The following EFCC1 variants were observed in gnomAD, a reference collection of about 807,000 sequenced individuals.
The protein encoded by EFCC1 is EF-hand and coiled-coil domain containing 1, also known as EF-hand and coiled-coil domain-containing protein 1.
In EFCC1, 50 loss-of-function variants were observed where a neutral mutation model predicts 52.1. The observed-to-expected ratio is 0.96, with a 90% CI of 0.76 to 1.21. The LOEUF (loss-of-function observed/expected upper bound fraction) is 1.21. Among genes scored for constraint, EFCC1 ranks in the 50% most tolerant of loss-of-function variants. The pLI, the probability that EFCC1 is intolerant of heterozygous loss-of-function variation, is 0.00. For synonymous variants in EFCC1, 399 were observed against 396.5 expected (o/e 1.01, Z -0.08); for missense variants, 837 against 867.3 (o/e 0.97, Z 0.44).
chr3:129,037,440 T>C (rs1946371448), intron 6 of EFCC1, among the ~76,000 whole-genome samples: 1 of 152,180 alleles, frequency 6.6e-6, no homozygotes, highest in Admixed American at 6.5e-5. Context: ...TGCAAAATTA[T>C]TAAATACAAT....
chr3:129,040,033 C>A lies in EFCC1; in HGVS notation c.*185C>A. The A allele has an allele frequency of 2.9e-6, 2 of 696,594 alleles. No individual in the cohort carries two copies. Among genetic ancestry groups the A allele is most frequent in the Non-Finnish European group, 2.2e-6 (1 of 460,410 alleles). 43.2% of individuals were successfully genotyped at this position (696,594 alleles called of 1,614,324 possible). A position where few individuals can be genotyped will look rare whatever the true frequency, so the allele number is the denominator to read the frequency against. ...TCCCATTGCAGCACCTGGCAGCCACCCCTTCCTCGGGCTCCTCCACATTAC... is the reference window on the plus strand; with the variant it reads ...TCCCATTGCAGCACCTGGCAGCCACACCTTCCTCGGGCTCCTCCACATTAC... On this transcript the variant is annotated 3_prime_UTR_variant, in exon 8 of 8. Coordinates refer to ENST00000683648, the MANE Select transcript of EFCC1 (RefSeq NM_001377500.1). The surrounding 1 kb of genome is among the most constrained non-coding windows in gnomAD (Gnocchi z 4.4).
chr3:129,015,293 G>C (rs1249480531), intron 2 of EFCC1, among the ~76,000 whole-genome samples: 1 of 152,042 alleles, frequency 6.6e-6, no homozygotes, highest in African/African-American at 2.4e-5. Context: ...TTCAGGTCTT[G>C]CCAGACCCCA....
At chr3:129,002,389 G>T in intron 1 of EFCC1, 65 bp downstream of exon 1, 1 of 1,473,510 alleles carries the variant, frequency 6.8e-7, no homozygotes. Context: ...AAAGCTGGCT[G>T]GCTGCGGAGC....
At chr3:129,025,533 A>G (rs1946068887) in intron 2 of EFCC1, among the ~76,000 whole-genome samples, 1 of 152,234 alleles carries the variant, frequency 6.6e-6, no homozygotes, top group South Asian at 2.1e-4. Context: ...TAGTAGGCAC[A>G]GTGCTTTCAA....
intron 2 of EFCC1, among the ~76,000 whole-genome samples, chr3:129,012,071 A>G (rs990737805): frequency 6.6e-6 from 1 of 152,228 alleles, no homozygotes; most frequent in Non-Finnish European, 1.5e-5. Context: ...CACAAAGGAC[A>G]TGGGGTGGCC....
At chr3:129,029,668 C>T (rs1946228781) in intron 2 of EFCC1, among the ~76,000 whole-genome samples, 2 of 147,504 alleles carry the variant, frequency 1.4e-5, no homozygotes, top group South Asian at 4.3e-4. Context: ...CCTCCACCTC[C>T]TGGGCTCCCA....
intron 2 of EFCC1, among the ~76,000 whole-genome samples, chr3:129,007,588 C>T (rs1280232650): frequency 6.6e-6 from 1 of 152,230 alleles, no homozygotes; most frequent in African/African-American, 2.4e-5. Flanking sequence ...TCACGCTGAT[C>T]TTCTCATCTT....
intron 2 of EFCC1, among the ~76,000 whole-genome samples, chr3:129,006,926 A>G (rs1193155530): frequency 6.6e-6 from 1 of 152,214 alleles, no homozygotes; most frequent in Admixed American, 6.5e-5. Flanking sequence ...CAGAATAGCC[A>G]TGGGCATTTA....
chr3:129,030,093 GGA>G (rs1278331981), intron 2 of EFCC1, among the ~76,000 whole-genome samples: 2 of 151,996 alleles, frequency 1.3e-5, no homozygotes, highest in Non-Finnish European at 2.9e-5. Flanking sequence ...GGCTGAAGTG[GGA>G]GGATCGCTTG....
Position 129,034,150 on chromosome 3 carries a change from C to T in EFCC1, c.1287-14C>T. ...AGCAGCCCCCTGCAATGCGGGCCCT[C>T]TCCTTTGCTGCAGGTGTGATGACCA... On this transcript the variant is annotated splice_polypyrimidine_tract_variant and intron_variant, in intron 4 of 7. Coordinates refer to ENST00000683648, the MANE Select transcript of EFCC1 (RefSeq NM_001377500.1). 7.4e-6 allele frequency: 12 copies of T among 1,614,166 alleles called. No individual in the cohort carries two copies. Among genetic ancestry groups the T allele is most frequent in the Non-Finnish European group, 9.3e-6 (11 of 1,179,994 alleles).
At chr3:129,022,297 G>A (rs1169906192) in intron 2 of EFCC1, among the ~76,000 whole-genome samples, 1 of 152,212 alleles carries the variant, frequency 6.6e-6, no homozygotes, top group Non-Finnish European at 1.5e-5. Context: ...TGAAATAGAG[G>A]CTCAGAGACG....
chr3:129,004,641 C>T (rs1944990012), intron 2 of EFCC1, among the ~76,000 whole-genome samples: 1 of 151,848 alleles, frequency 6.6e-6, no homozygotes, highest in African/African-American at 2.4e-5. Flanking sequence ...TTATTTGTTC[C>T]TGGATTCGAT....
intron 2 of EFCC1, 200 bp from the exon 3 acceptor site, chr3:129,030,503 C>A: frequency 2.1e-6 from 1 of 487,266 alleles, no homozygotes; most frequent in Non-Finnish European, 3.2e-6. Context: ...GTCCCATTGG[C>A]TAAAACTGGG....
intron 1 of EFCC1, 53 bp from the exon 2 acceptor site, chr3:129,003,741 G>T: frequency 3.1e-6 from 4 of 1,310,342 alleles, no homozygotes; most frequent in Admixed American, 4.0e-5. Context: ...GCGTTCGTCT[G>T]GTGCATCTGG....
intron 2 of EFCC1, among the ~76,000 whole-genome samples, chr3:129,027,924 A>G (rs1395493566): frequency 1.3e-5 from 2 of 151,766 alleles, no homozygotes; most frequent in South Asian, 4.2e-4. Context: ...ACTGCACTCC[A>G]CCCTGAGTGA....
At chr3:129,026,591 C>CGGGA (rs1043766512) in intron 2 of EFCC1, among the ~76,000 whole-genome samples, 3 of 152,178 alleles carry the variant, frequency 2.0e-5, no homozygotes, top group African/African-American at 7.2e-5. Context: ...TACCAACTCC[C>CGGGA]ATCTTTGCTG....
intron 2 of EFCC1, among the ~76,000 whole-genome samples, chr3:129,020,567 G>A (rs1160956617): frequency 6.6e-6 from 1 of 152,172 alleles, no homozygotes; most frequent in Non-Finnish European, 1.5e-5. Context: ...AGCCTGGGAG[G>A]TTGAGGCTGC....
chr3:129,033,088 C>G (rs1194039539), intron 4 of EFCC1, 122 bp downstream of exon 4: 6 of 1,362,632 alleles, frequency 4.4e-6, no homozygotes, highest in Non-Finnish European at 5.8e-6. Context: ...CTCTGCGACT[C>G]TGTCCCCTTG....
rs546189867 is a variant in EFCC1 at position 129,030,607 on chromosome 3, C to A, written c.981-96C>A. The stretch of plus-strand genomic sequence containing the variant: ...TGGGAAGCTGACTCTGCCAGGGTGA[C>A]AATGGGTGTTCATAGACAGCTTGCC... On this transcript the variant is annotated intron_variant, in intron 2 of 7. Transcript: ENST00000683648. 4 of 1,371,436 alleles carry A rather than the reference C, an allele frequency of 2.9e-6. No homozygotes were observed. In the South Asian group the frequency reaches 6.7e-5, roughly 23 times the overall value. The allele number at this position is 1,371,436 out of a possible 1,614,324, so 85.0% of individuals were successfully genotyped here. A position where few individuals can be genotyped will look rare whatever the true frequency, so the allele number is the denominator to read the frequency against.
Sources: gnomAD v4.1 joint callset for allele counts (sites outside exome capture counted in the v4.1 genomes callset) on GRCh38, gnomAD v4.1.1 for gene constraint, Gnocchi (gnomAD v3.1) non-coding constraint, MANE v1.5 for transcripts, NCBI Gene and HGNC (gene_info 2026-07-23, HGNC 2026-07-21) for gene names.